ANKRD30BL: variants seen among roughly 807,000 people sequenced by gnomAD.
ANKRD30BL encodes ankyrin repeat domain 30B like.
In ANKRD30BL, 20 loss-of-function variants were observed where a neutral mutation model predicts 18.4. That is an observed-to-expected ratio of 1.09 (90% CI 0.77 to 1.58). The LOEUF (loss-of-function observed/expected upper bound fraction) is 1.58, where lower values mean the gene tolerates loss of function less well. Among genes scored for constraint, ANKRD30BL ranks in the 40% most tolerant of loss-of-function variants. ANKRD30BL has a pLI of 0.00. For missense variants in ANKRD30BL, 224 were observed against 268.6 expected (o/e 0.83, Z 1.16); for synonymous variants, 72 against 100.9 (o/e 0.71, Z 1.72).
chr2:132,205,627 A>G (rs932191094), intron 1 of ANKRD30BL, among the ~76,000 whole-genome samples: 1 of 151,572 alleles, frequency 6.6e-6, no homozygotes, highest in Non-Finnish European at 1.5e-5. Flanking sequence ...AAAAGAAAAA[A>G]AGAAAAAAAA....
chr2:132,255,858 A>T (rs78765543), intron 1 of ANKRD30BL, among the ~76,000 whole-genome samples: 1 of 152,176 alleles, frequency 6.6e-6, no homozygotes, highest in Non-Finnish European at 1.5e-5. Flanking sequence ...CGAATGGGTC[A>T]TCGCTGCCAC....
chr2:132,221,189 G>T (rs1336234882), intron 1 of ANKRD30BL, among the ~76,000 whole-genome samples: 1 of 144,394 alleles, frequency 6.9e-6, no homozygotes, highest in Non-Finnish European at 1.5e-5. Flanking sequence ...CGCGAGGGAG[G>T]TGGGGGGGGG....
intron 1 of ANKRD30BL, among the ~76,000 whole-genome samples, chr2:132,205,564 G>C (rs1215179349): frequency 3.4e-5 from 5 of 148,418 alleles, no homozygotes; most frequent in African/African-American, 5.0e-5. Context: ...TCACACTGTT[G>C]CACTCCAGCC....
chr2:132,151,619 A>AG (rs1244503922), intron 4 of ANKRD30BL, among the ~76,000 whole-genome samples: 1 of 151,612 alleles, frequency 6.6e-6, no homozygotes, highest in Non-Finnish European at 1.5e-5. Flanking sequence ...AAATTACAAA[A>AG]AAAAAACAAA....
intron 5 of ANKRD30BL, among the ~76,000 whole-genome samples, chr2:132,150,282 T>G (rs1401499807): frequency 6.6e-6 from 1 of 151,982 alleles, no homozygotes; most frequent in African/African-American, 2.4e-5. Flanking sequence ...ATTTTATATG[T>G]TTATGTTTAA....
chr2:132,197,440 T>C (rs1678991415), intron 1 of ANKRD30BL, among the ~76,000 whole-genome samples: 1 of 152,184 alleles, frequency 6.6e-6, no homozygotes, highest in Non-Finnish European at 1.5e-5. Context: ...TATGAATCGA[T>C]TTATATTTTT....
At chr2:132,219,100 A>G (rs1430988008) in intron 1 of ANKRD30BL, among the ~76,000 whole-genome samples, 2 of 151,564 alleles carry the variant, frequency 1.3e-5, no homozygotes, top group Admixed American at 1.3e-4. Context: ...CTGCAAGTGG[A>G]CATTTGGAGT....
intron 1 of ANKRD30BL, among the ~76,000 whole-genome samples, chr2:132,176,565 T>A (rs1003513121): frequency 2.6e-5 from 4 of 151,478 alleles, no homozygotes; most frequent in African/African-American, 9.7e-5. Flanking sequence ...GAGCCGAGGT[T>A]GTGCCATTGT....
intron 1 of ANKRD30BL, among the ~76,000 whole-genome samples, chr2:132,159,455 C>T (rs1687998594): frequency 2.6e-5 from 4 of 152,090 alleles, no homozygotes; most frequent in Admixed American, 2.0e-4. Context: ...ACTTAAATGC[C>T]TTCTGTAACC....
Position 132,185,701 on chromosome 2 carries a change from A to C in ANKRD30BL, n.442-28555T>G, listed in dbSNP as rs538148954. ...GTCTCTGTAACATGTAGAACACAACAAAGGAAGAGGTTCAGTCCCATTTCA... is the reference window on the plus strand; with the variant it reads ...GTCTCTGTAACATGTAGAACACAACCAAGGAAGAGGTTCAGTCCCATTTCA... On this transcript the variant is annotated intron_variant and non_coding_transcript_variant, in intron 1 of 4. Transcript: ENST00000470729. Among the ~76,000 whole-genome samples the C allele has an allele frequency of 3.9e-3, 589 of 152,314 alleles. 12 individuals are homozygous for C. The highest frequency in any genetic ancestry group is 0.013 in the African/African-American group (554 of 41,556).
chr2:132,169,072 T>C (rs62161681), intron 1 of ANKRD30BL, among the ~76,000 whole-genome samples: 31,451 of 151,436 alleles, frequency 0.21, 3,491 homozygotes, highest in Non-Finnish European at 0.25. Context: ...CAAATCTCCT[T>C]TGATAACACT....
rs958709024 is a variant in ANKRD30BL, at chr2:132,232,942, C to T, written n.441+24587G>A. 9.9e-5 allele frequency among the ~76,000 whole-genome samples: 15 copies of T among 152,172 alleles called. No individual in the cohort carries two copies. In the South Asian group the frequency reaches 1.2e-3, roughly 13 times the overall value. ...GTTAAGGGCAGCCAGAGAGAAAGGT[C>T]GGGTTACCCTCAAAAGGAAGCCCAC... is the stretch of plus-strand genomic sequence containing the variant. On this transcript the variant is annotated intron_variant and non_coding_transcript_variant, in intron 1 of 4. Coordinates refer to the ANKRD30BL transcript ENST00000470729.
intron 1 of ANKRD30BL, among the ~76,000 whole-genome samples, chr2:132,180,388 T>G (rs2104947105): frequency 6.6e-6 from 1 of 152,340 alleles, no homozygotes; most frequent in Non-Finnish European, 1.5e-5. Context: ...TAGTAGGCTA[T>G]CCCGTCTATG....
intron 1 of ANKRD30BL, among the ~76,000 whole-genome samples, chr2:132,167,636 T>A (rs1213874535): frequency 2.6e-5 from 4 of 152,220 alleles, no homozygotes; most frequent in Admixed American, 2.0e-4. Context: ...ATTGATCATC[T>A]TCTATGATTA....
At chr2:132,153,535 GC>G (rs1178375287) in intron 4 of ANKRD30BL, 1 of 511,764 alleles carries the variant, frequency 2.0e-6, no homozygotes, top group Non-Finnish European at 4.0e-6. Context: ...ATCTCACCTA[GC>G]CTTTAAATGT....
chr2:132,221,948 C>A (rs1428095444), intron 1 of ANKRD30BL, among the ~76,000 whole-genome samples: 1 of 131,780 alleles, frequency 7.6e-6, no homozygotes. Flanking sequence ...GGCCAGCCGC[C>A]CCGTCCGGGA....
At chr2:132,226,158 C>A (rs948495236) in intron 1 of ANKRD30BL, among the ~76,000 whole-genome samples, 1 of 151,812 alleles carries the variant, frequency 6.6e-6, no homozygotes, top group Non-Finnish European at 1.5e-5. Context: ...CGCTTAGAGG[C>A]CTTCGTTGGA....
At chr2:132,169,210 T>C (rs1688236028) in intron 1 of ANKRD30BL, among the ~76,000 whole-genome samples, 1 of 152,264 alleles carries the variant, frequency 6.6e-6, no homozygotes, top group Admixed American at 6.5e-5. Context: ...AATTTTGCCT[T>C]ATAAAATGGA....
At chr2:132,231,399 G>C (rs1463644255) in intron 1 of ANKRD30BL, among the ~76,000 whole-genome samples, 3 of 152,228 alleles carry the variant, frequency 2.0e-5, no homozygotes, top group African/African-American at 7.2e-5. Context: ...GCAGAAGACA[G>C]GTGATTTCTG....
Sources: gnomAD v4.1 joint callset for allele counts (sites outside exome capture counted in the v4.1 genomes callset) on GRCh38, gnomAD v4.1.1 for gene constraint, MANE v1.5 for transcripts, NCBI Gene and HGNC (gene_info 2026-07-23, HGNC 2026-07-21) for gene names.